Variants in GREM2 observed in about 807,000 individuals in gnomAD.
The protein encoded by GREM2 is gremlin-2.
In GREM2, 11 loss-of-function variants were observed where a neutral mutation model predicts 14.2. The ratio of observed to expected loss-of-function variants is 0.78; its 90% CI spans 0.49 to 1.28. GREM2 has a LOEUF of 1.28. Among genes scored for constraint, GREM2 ranks in the 50% most tolerant of loss-of-function variants. The pLI, the probability that GREM2 is intolerant of heterozygous loss-of-function variation, is 0.00. For synonymous variants in GREM2, 98 were observed against 97.6 expected (o/e 1.00, Z -0.02); for missense variants, 210 against 218.5 (o/e 0.96, Z 0.24).
At chr1:240,547,532 T>TAGATAGATAGATAGATAG (rs1553275859) in intron 1 of GREM2, among the ~76,000 whole-genome samples, 1 of 121,874 alleles carries the variant, frequency 8.2e-6, no homozygotes, top group African/African-American at 3.7e-5. Flanking sequence ...TATATATATA[T>TAGATAGATAGATAGATAG]ATAGATAGAT....
At chr1:240,506,631 T>C (rs1009665272) in intron 1 of GREM2, among the ~76,000 whole-genome samples, 1 of 152,144 alleles carries the variant, frequency 6.6e-6, no homozygotes, top group African/African-American at 2.4e-5. Context: ...TGAACACCAA[T>C]ACCAAAAGCA....
chr1:240,588,618 G>T (rs982760961), intron 1 of GREM2: 1 of 152,142 alleles, frequency 6.6e-6, no homozygotes, highest in Admixed American at 6.5e-5. Flanking sequence ...TTTCGTGCAA[G>T]GTCACGCAGC....
intron 1 of GREM2, among the ~76,000 whole-genome samples, chr1:240,547,360 C>A (rs1404570724): frequency 2.6e-5 from 4 of 151,458 alleles, no homozygotes; most frequent in Non-Finnish European, 5.9e-5. Flanking sequence ...ATTAGCCAGG[C>A]GTGGTGGCGG....
intron 1 of GREM2, among the ~76,000 whole-genome samples, chr1:240,507,481 T>C (rs1006021927): frequency 2.0e-5 from 3 of 152,088 alleles, no homozygotes; most frequent in Non-Finnish European, 4.4e-5. Context: ...TACAGGCATG[T>C]GCCACCATGC....
intron 1 of GREM2, among the ~76,000 whole-genome samples, chr1:240,561,304 C>T (rs1351326079): frequency 5.3e-5 from 8 of 151,990 alleles, no homozygotes; most frequent in Non-Finnish European, 1.2e-4. Context: ...ATGCAGAAAG[C>T]TAGGGTTATT....
intron 1 of GREM2, among the ~76,000 whole-genome samples, chr1:240,517,667 G>C (rs900175621): frequency 3.9e-5 from 6 of 152,094 alleles, no homozygotes; most frequent in African/African-American, 1.4e-4. Flanking sequence ...TATGTTTCAA[G>C]CCATGGTTCA....
In GREM2 at chr1:240,535,202, A is replaced by T. The variant is rs72752848; in HGVS notation, c.-1-41726T>A. Among the ~76,000 whole-genome samples, 733 of 152,310 alleles carry T rather than the reference A, an allele frequency of 4.8e-3. 6 individuals are homozygous for T. The highest frequency in any genetic ancestry group is 8.2e-3 in the Non-Finnish European group (560 of 68,034). ...AATACTTTACATTACTGTGTATGTT[A>T]TATCCATTATACCCACGATAACAAT... On this transcript the variant is annotated intron_variant, in intron 1 of 1. Coordinates refer to ENST00000318160, the MANE Select transcript of GREM2 (RefSeq NM_022469.4).
chr1:240,574,197 G>A (rs978250135), intron 1 of GREM2, among the ~76,000 whole-genome samples: 1 of 152,096 alleles, frequency 6.6e-6, no homozygotes, highest in African/African-American at 2.4e-5. Flanking sequence ...TGGGATTACA[G>A]GAGTGAGCCA....
intron 1 of GREM2, among the ~76,000 whole-genome samples, chr1:240,595,288 C>T (rs768125709): frequency 1.4e-4 from 22 of 152,124 alleles, no homozygotes; most frequent in African/African-American, 4.1e-4. Context: ...GCCAAGATTG[C>T]GCCACTGCAC....
chr1:240,595,373 G>A (rs976655871), intron 1 of GREM2, among the ~76,000 whole-genome samples: 2 of 152,172 alleles, frequency 1.3e-5, no homozygotes, highest in East Asian at 3.9e-4. Flanking sequence ...ACCTCCCAGG[G>A]CTCCTTTTCT....
At chr1:240,563,153 GTA>G (rs1341431969) in intron 1 of GREM2, among the ~76,000 whole-genome samples, 12 of 143,186 alleles carry the variant, frequency 8.4e-5, no homozygotes, top group East Asian at 6.2e-4. Context: ...GTGTGAGTGT[GTA>G]TGTGTGTACG....
At chr1:240,498,852 T>C (rs113128436) in intron 1 of GREM2, among the ~76,000 whole-genome samples, 2 of 152,236 alleles carry the variant, frequency 1.3e-5, no homozygotes, top group African/African-American at 2.4e-5. Flanking sequence ...TTGGTTTTAT[T>C]AACCATCTTT....
In GREM2 at chr1:240,543,662, C is replaced by G. The variant is rs568687609; in HGVS notation, c.-1-50186G>C. The stretch of plus-strand genomic sequence containing the variant: ...ATTCTATTTAGTTTTAGGAACAAAG[C>G]ATACCTTTTAAAAAAATTGATGTAA... On this transcript the variant is annotated intron_variant, in intron 1 of 1. Transcript: ENST00000318160. This position sits in a 1 kb window ranked among gnomAD's most constrained non-coding sequence, Gnocchi z 6.4. 1.3e-5 allele frequency among the ~76,000 whole-genome samples: 2 copies of G among 152,230 alleles called. No individual in the cohort carries two copies. Among genetic ancestry groups the G allele is most frequent in the South Asian group, 4.2e-4 (2 of 4,816 alleles).
At chr1:240,588,281 G>A (rs1679640022) in intron 1 of GREM2, among the ~76,000 whole-genome samples, 1 of 152,070 alleles carries the variant, frequency 6.6e-6, no homozygotes, top group South Asian at 2.1e-4. Flanking sequence ...CGCTTCCCTG[G>A]TCATTTCTTC....
chr1:240,562,885 T>G (rs1050277195), intron 1 of GREM2, among the ~76,000 whole-genome samples: 8 of 151,164 alleles, frequency 5.3e-5, no homozygotes, highest in African/African-American at 2.0e-4. Flanking sequence ...TGTATGTGTG[T>G]ATGAGTGTGT....
chr1:240,574,869 G>A (rs1253557934), intron 1 of GREM2, among the ~76,000 whole-genome samples: 4 of 152,162 alleles, frequency 2.6e-5, no homozygotes, highest in Non-Finnish European at 5.9e-5. Flanking sequence ...AGCACTTTGG[G>A]AGGCCGAGGC....
At chr1:240,527,588 C>A (rs1180363349) in intron 1 of GREM2, among the ~76,000 whole-genome samples, 1 of 152,028 alleles carries the variant, frequency 6.6e-6, no homozygotes, top group Non-Finnish European at 1.5e-5. Flanking sequence ...AGGAGAGGGA[C>A]AAGGGAGGTA....
intron 1 of GREM2, among the ~76,000 whole-genome samples, chr1:240,532,775 C>G (rs746831843): frequency 2.9e-4 from 44 of 152,170 alleles, no homozygotes; most frequent in Admixed American, 5.9e-4. Flanking sequence ...AGTTAAGTCT[C>G]TATCTAAATA....
At chr1:240,557,799 A>C (rs1470468730) in intron 1 of GREM2, among the ~76,000 whole-genome samples, 2 of 152,108 alleles carry the variant, frequency 1.3e-5, no homozygotes, top group African/African-American at 4.8e-5. Context: ...AGCTGCCTGG[A>C]GAGCAACCAC....
Sources: gnomAD v4.1 joint callset for allele counts (sites outside exome capture counted in the v4.1 genomes callset) on GRCh38, gnomAD v4.1.1 for gene constraint, Gnocchi (gnomAD v3.1) non-coding constraint, MANE v1.5 for transcripts, NCBI Gene and HGNC (gene_info 2026-07-23, HGNC 2026-07-21) for gene names.